RAD51B: variants seen among roughly 807,000 people sequenced by gnomAD.
The protein encoded by RAD51B is DNA repair protein RAD51 homolog 2.
RAD51B carries 38 observed loss-of-function variants against 42.2 expected under a neutral mutation model. The ratio of observed to expected loss-of-function variants is 0.90; its 90% CI spans 0.70 to 1.18. The LOEUF is 1.18. RAD51B is among the 50% of genes most tolerant of loss of function. The pLI, the probability that RAD51B is intolerant of heterozygous loss-of-function variation, is 0.00. For missense variants in RAD51B, 373 were observed against 400.7 expected, an observed-to-expected ratio of 0.93 and a Z score of 0.59; for synonymous variants, 154 against 145.2, an observed-to-expected ratio of 1.06 and a Z score of -0.43.
intron 7 of RAD51B, among the ~76,000 whole-genome samples, chr14:68,114,871 G>A (rs535239612): frequency 2.0e-5 from 3 of 152,068 alleles, no homozygotes; most frequent in African/African-American, 2.4e-5. Context: ...ATGAAACTAG[G>A]TTTTCTTAAA....
chr14:67,880,869 A>G (rs2042883757), intron 5 of RAD51B, among the ~76,000 whole-genome samples: 1 of 152,122 alleles, frequency 6.6e-6, no homozygotes, highest in Admixed American at 6.5e-5. Context: ...TTGCTTTTCT[A>G]TGTTGTTATG....
intron 7 of RAD51B, among the ~76,000 whole-genome samples, chr14:67,960,581 T>C (rs1177547048): frequency 6.6e-6 from 1 of 152,194 alleles, no homozygotes. Flanking sequence ...TAAAATAAAT[T>C]TAAGATAAAT....
At chr14:68,476,095 A>T (rs1399618038) in intron 10 of RAD51B, among the ~76,000 whole-genome samples, 6 of 151,864 alleles carry the variant, frequency 4.0e-5, no homozygotes, top group African/African-American at 1.2e-4. Context: ...GAATCTAGTT[A>T]GGAGAGATGT....
chr14:68,480,323 C>CTCG (rs1482308114), downstream of RAD51B, among the ~76,000 whole-genome samples: 1 of 152,204 alleles, frequency 6.6e-6, no homozygotes, highest in African/African-American at 2.4e-5. Flanking sequence ...GAGATCTGCC[C>CTCG]TCGTCGGCCT....
chr14:68,299,588 C>T (rs2064914), intron 8 of RAD51B, among the ~76,000 whole-genome samples: 1 of 152,046 alleles, frequency 6.6e-6, no homozygotes, highest in South Asian at 2.1e-4. Flanking sequence ...GTGTCTGCAG[C>T]GGGCCCTGGA....
intron 8 of RAD51B, 60 bp from the exon 9 acceptor site, chr14:68,411,364 A>G: frequency 2.8e-6 from 4 of 1,405,762 alleles, no homozygotes; most frequent in Non-Finnish European, 2.0e-6. Flanking sequence ...TCTGGACTTC[A>G]TGTGAAATGC....
intron 7 of RAD51B, among the ~76,000 whole-genome samples, chr14:68,075,556 A>G (rs1189855335): frequency 6.6e-6 from 1 of 150,628 alleles, no homozygotes; most frequent in Non-Finnish European, 1.5e-5. Flanking sequence ...GGTGTGCTGG[A>G]GGCACAAGTC....
In RAD51B at chr14:68,309,650, T is replaced by C. The variant is rs188569853; in HGVS notation, c.853+17670T>C. On this transcript the variant is annotated intron_variant, in intron 8 of 10. Transcript: ENST00000471583. ...ATTCTGCATTTAGGAACTTCCATAA[T>C]ATTTTAATAATAACAATAATGATAA... 6.5e-3 allele frequency among the ~76,000 whole-genome samples: 992 copies of C among 152,328 alleles called. 5 individuals are homozygous for C. Among genetic ancestry groups the C allele is most frequent in the Middle Eastern group, 0.031 (9 of 294 alleles).
rs34711156 is a variant in RAD51B at position 67,941,833 on chromosome 14, C to T, written c.756+54629C>T. Among the ~76,000 whole-genome samples, 759 of 152,262 alleles carry T rather than the reference C, an allele frequency of 5.0e-3. 3 individuals are homozygous for T. Among genetic ancestry groups the T allele is most frequent in the Middle Eastern group, 0.037 (11 of 294 alleles). ...CATATGGACAGTATTGCTTTTTGGC[C>T]CCAGCCTAGTTTTCTTTCATTCCCA... is the stretch of plus-strand genomic sequence containing the variant. On this transcript the variant is annotated intron_variant, in intron 7 of 10. Coordinates refer to ENST00000471583, the MANE Select transcript of RAD51B (RefSeq NM_133510.4).
chr14:68,676,638 T>C (rs1893311615), intron 11 of RAD51B, among the ~76,000 whole-genome samples: 3 of 152,134 alleles, frequency 2.0e-5, no homozygotes, highest in Admixed American at 2.0e-4. Context: ...TTCAGGAAGG[T>C]GTACATGTCT....
chr14:68,468,513 C>G (rs923268184), intron 10 of RAD51B: 2 of 479,254 alleles, frequency 4.2e-6, no homozygotes, highest in Admixed American at 2.9e-5. Context: ...AGGATCAAAC[C>G]AAGAAAGCTC....
chr14:67,863,150 A>ATTTTTTTTTTTTTTT (rs5809367), intron 4 of RAD51B, among the ~76,000 whole-genome samples: 1 of 74,032 alleles, frequency 1.4e-5, no homozygotes, highest in African/African-American at 4.6e-5. Context: ...AAATATGGGA[A>ATTTTTTTTTTTTTTT]TTTTTTTTTT....
chr14:68,315,319 C>A lies in RAD51B; in HGVS notation c.853+23339C>A, dbSNP rs1463209340. 2.0e-5 allele frequency among the ~76,000 whole-genome samples: 3 copies of A among 152,142 alleles called. No individual in the cohort carries two copies. In the East Asian group the frequency reaches 5.8e-4, roughly 29 times the overall value. On this transcript the variant is annotated intron_variant, in intron 8 of 10. Coordinates refer to ENST00000471583, the MANE Select transcript of RAD51B (RefSeq NM_133510.4). Reference sequence around the variant, plus strand: ...TTTCTTCCACATAGGAGATTAAATACCCATCTTTCGTCAGATCAAAGCAGG... The same window carrying A: ...TTTCTTCCACATAGGAGATTAAATAACCATCTTTCGTCAGATCAAAGCAGG...
intron 8 of RAD51B, among the ~76,000 whole-genome samples, chr14:68,405,061 TAA>T (rs1208228334): frequency 2.0e-5 from 3 of 152,194 alleles, no homozygotes; most frequent in African/African-American, 7.2e-5. Context: ...TGTCAGTAAC[TAA>T]CCATGTGAAC....
intron 7 of RAD51B, among the ~76,000 whole-genome samples, chr14:68,061,580 T>C (rs754126950): frequency 6.6e-6 from 1 of 152,192 alleles, no homozygotes; most frequent in Non-Finnish European, 1.5e-5. Context: ...ACCAGTGTTT[T>C]ATAGTTTCCA....
Position 67,900,629 on chromosome 14 carries a change from A to C in RAD51B, c.756+13425A>C, listed in dbSNP as rs1487232295. 2.6e-5 allele frequency among the ~76,000 whole-genome samples: 3 copies of C among 115,468 alleles called. No homozygotes were observed. In the South Asian group the frequency reaches 7.7e-4, roughly 30 times the overall value. The allele number at this position is 115,468 out of a possible 152,430, so 75.8% of individuals were successfully genotyped here. A position where few individuals can be genotyped will look rare whatever the true frequency, so the allele number is the denominator to read the frequency against. ...GTGTGTGTGTGTGTGTGTGTGTCAT[A>C]CACACACACACACACACATAAATAT... On this transcript the variant is annotated intron_variant, in intron 7 of 10. Coordinates refer to ENST00000471583, the MANE Select transcript of RAD51B (RefSeq NM_133510.4).
chr14:67,897,272 G>T (rs2043452749), intron 7 of RAD51B, among the ~76,000 whole-genome samples: 1 of 152,112 alleles, frequency 6.6e-6, no homozygotes, highest in South Asian at 2.1e-4. Flanking sequence ...AAAAGCTTCT[G>T]CATAGCAAAG....
intron 4 of RAD51B, among the ~76,000 whole-genome samples, chr14:67,857,078 G>A (rs1476345497): frequency 6.6e-6 from 1 of 152,020 alleles, no homozygotes; most frequent in African/African-American, 2.4e-5. Context: ...TGTGGTTTGG[G>A]TGCTAGAATT....
chr14:67,857,082 T>G (rs953446574), intron 4 of RAD51B, among the ~76,000 whole-genome samples: 1 of 152,168 alleles, frequency 6.6e-6, no homozygotes, highest in Non-Finnish European at 1.5e-5. Context: ...GTTTGGGTGC[T>G]AGAATTCAGA....
Sources: gnomAD v4.1 joint callset for allele counts (sites outside exome capture counted in the v4.1 genomes callset) on GRCh38, gnomAD v4.1.1 for gene constraint, MANE v1.5 for transcripts, NCBI Gene and HGNC (gene_info 2026-07-23, HGNC 2026-07-21) for gene names.